PARVA: variants seen among roughly 807,000 people sequenced by gnomAD.
PARVA encodes the protein parvin alpha.
A neutral mutation model predicts 52.6 loss-of-function variants in PARVA; 25 were observed. The ratio of observed to expected loss-of-function variants is 0.48; its 90% CI spans 0.35 to 0.66. The LOEUF is 0.66. Among genes scored for constraint, PARVA ranks in the 30% least tolerant of loss-of-function variants. PARVA has a pLI of 0.01. For missense variants in PARVA, 373 were observed against 450.9 expected, an observed-to-expected ratio of 0.83 and a Z score of 1.56; for synonymous variants, 185 against 179.1, an observed-to-expected ratio of 1.03 and a Z score of -0.26.
intron 1 of PARVA, among the ~76,000 whole-genome samples, chr11:12,469,492 GCTCTTT>G (rs1380752415): frequency 6.6e-6 from 1 of 152,190 alleles, no homozygotes; most frequent in Non-Finnish European, 1.5e-5. Flanking sequence ...TTCAGTTGTA[GCTCTTT>G]CTCTTTCAGT....
intron 1 of PARVA, among the ~76,000 whole-genome samples, chr11:12,404,429 C>T (rs547910616): frequency 2.6e-5 from 4 of 152,162 alleles, no homozygotes; most frequent in African/African-American, 9.7e-5. Context: ...TTCAAGAGTG[C>T]GCTCAGTCTG....
At chr11:12,500,716 A>C (rs1301172300) in intron 5 of PARVA, among the ~76,000 whole-genome samples, 1 of 152,028 alleles carries the variant, frequency 6.6e-6, no homozygotes, top group East Asian at 1.9e-4. Flanking sequence ...GCTTGAACCC[A>C]GGAGGCGGAG....
chr11:12,502,677 T>C (rs777832992), intron 5 of PARVA, among the ~76,000 whole-genome samples: 2 of 152,022 alleles, frequency 1.3e-5, no homozygotes, highest in Non-Finnish European at 2.9e-5. Flanking sequence ...GCAGGAATGA[T>C]AGGGGCACAC....
intron 1 of PARVA, among the ~76,000 whole-genome samples, chr11:12,464,011 T>C (rs527951612): frequency 6.6e-6 from 1 of 150,638 alleles, no homozygotes; most frequent in South Asian, 2.1e-4. Flanking sequence ...CTTCCTTCCT[T>C]TCTGGCTCCA....
intron 1 of PARVA, among the ~76,000 whole-genome samples, chr11:12,448,083 T>A (rs1940572008): frequency 6.6e-6 from 1 of 152,218 alleles, no homozygotes; most frequent in South Asian, 2.1e-4. Flanking sequence ...ATTTATAATG[T>A]GTATAAATTA....
chr11:12,430,979 A>G (rs1940307964), intron 1 of PARVA, among the ~76,000 whole-genome samples: 1 of 152,218 alleles, frequency 6.6e-6, no homozygotes, highest in Non-Finnish European at 1.5e-5. Flanking sequence ...TTTGACAAAA[A>G]CAAGCTCCTC....
intron 1 of PARVA, among the ~76,000 whole-genome samples, chr11:12,411,751 A>G (rs1939995281): frequency 6.6e-6 from 1 of 152,206 alleles, no homozygotes; most frequent in African/African-American, 2.4e-5. Flanking sequence ...CTCAGCATCC[A>G]TGAAATTAGA....
chr11:12,418,938 A>G (rs1208680122), intron 1 of PARVA, among the ~76,000 whole-genome samples: 1 of 152,212 alleles, frequency 6.6e-6, no homozygotes, highest in Non-Finnish European at 1.5e-5. Context: ...AATCCTCACA[A>G]TGGTTTATGA....
At chr11:12,472,180 G>C (rs1260645507) in intron 1 of PARVA, among the ~76,000 whole-genome samples, 3 of 152,138 alleles carry the variant, frequency 2.0e-5, no homozygotes, top group African/African-American at 7.2e-5. Context: ...GATTGTCTTA[G>C]GCCACACATA....
chr11:12,509,337 C>CCCAA (rs1564866342), intron 7 of PARVA, among the ~76,000 whole-genome samples: 1 of 152,180 alleles, frequency 6.6e-6, no homozygotes, highest in Admixed American at 6.5e-5. Flanking sequence ...GCTAAGCCAA[C>CCCAA]CCAACTTGAG....
In PARVA at chr11:12,411,533, C is replaced by T. The variant is rs117155285; in HGVS notation, c.136+33750C>T. 3.1e-4 allele frequency among the ~76,000 whole-genome samples: 47 copies of T among 152,284 alleles called. No individual in the cohort carries two copies. The East Asian group carries it at 7.9e-3, about 26-fold the overall frequency. On this transcript the variant is annotated intron_variant, in intron 1 of 12. Coordinates refer to ENST00000334956, the MANE Select transcript of PARVA (RefSeq NM_018222.5). ...GGTACCATAGTACATTAGGTTGTCA[C>T]GCCTCCCTAGGTTCCTCTTGGCTAT...
intron 5 of PARVA, among the ~76,000 whole-genome samples, chr11:12,498,906 C>T (rs1054333198): frequency 3.3e-5 from 5 of 152,166 alleles, no homozygotes; most frequent in Non-Finnish European, 1.5e-5. Flanking sequence ...TGTTATTTTT[C>T]GCTTGATCTT....
At chr11:12,457,554 C>CTTCTT (rs1161108299) in intron 1 of PARVA, among the ~76,000 whole-genome samples, 2 of 152,182 alleles carry the variant, frequency 1.3e-5, no homozygotes, top group African/African-American at 4.8e-5. Flanking sequence ...CCCATTCCAG[C>CTTCTT]TTCTTTTCTT....
chr11:12,502,914 C>T (rs776592703), intron 5 of PARVA, among the ~76,000 whole-genome samples: 1 of 151,944 alleles, frequency 6.6e-6, no homozygotes, highest in Non-Finnish European at 1.5e-5. Context: ...CAGAGGCCTT[C>T]GGTGGCCTAC....
intron 1 of PARVA, among the ~76,000 whole-genome samples, chr11:12,452,164 A>G (rs1047359092): frequency 1.1e-4 from 17 of 152,032 alleles, no homozygotes; most frequent in Admixed American, 1.1e-3. Context: ...TGCAAGCGGA[A>G]ACAGGTATAC....
At chr11:12,504,125 C>T (rs1230787626) in intron 5 of PARVA, among the ~76,000 whole-genome samples, 189 bp from the exon 6 acceptor site, 1 of 152,122 alleles carries the variant, frequency 6.6e-6, no homozygotes, top group African/African-American at 2.4e-5. Flanking sequence ...GAGGGATCCA[C>T]CCCCACAATC....
chr11:12,448,683 G>A (rs1436191075), intron 1 of PARVA, among the ~76,000 whole-genome samples: 1 of 152,224 alleles, frequency 6.6e-6, no homozygotes, highest in Non-Finnish European at 1.5e-5. Context: ...ATGTGTCTTA[G>A]AAAATGAGGC....
intron 5 of PARVA, among the ~76,000 whole-genome samples, chr11:12,500,032 C>T (rs1452756300): frequency 4.6e-5 from 7 of 152,092 alleles, no homozygotes; most frequent in African/African-American, 1.7e-4. Context: ...GATGCATTCT[C>T]CCTGCTTGTA....
intron 5 of PARVA, among the ~76,000 whole-genome samples, chr11:12,504,063 T>C (rs950005507): frequency 6.6e-5 from 10 of 152,068 alleles, no homozygotes; most frequent in African/African-American, 2.2e-4. Context: ...CCAGATCACA[T>C]GTGAGAGCTC....
Sources: allele counts gnomAD v4.1 joint callset (sites outside exome capture counted in the v4.1 genomes callset), GRCh38; gene constraint gnomAD v4.1.1; transcripts MANE v1.5; gene names NCBI Gene and HGNC (gene_info 2026-07-23, HGNC 2026-07-21).